The following ZNF461 variants were observed in gnomAD, a reference collection of about 807,000 sequenced individuals.
The protein encoded by ZNF461 is gonadotropin-inducible ovarian transcription factor-1.
Under a neutral mutation model 18.3 loss-of-function variants are expected in ZNF461, and 16 were observed. The ratio of observed to expected loss-of-function variants is 0.88; its 90% CI spans 0.59 to 1.33. The LOEUF (loss-of-function observed/expected upper bound fraction) is 1.33, where lower values mean the gene tolerates loss of function less well. Ranked by LOEUF, ZNF461 falls within the 40% of genes most tolerant of loss-of-function variation. The probability of loss-of-function intolerance (pLI) is 0.00; values close to 1 mark genes in which losing one functional copy is unlikely to be tolerated. For missense variants in ZNF461, 595 were observed against 669.9 expected (o/e 0.89, Z 1.23); for synonymous variants, 179 against 216.9 (o/e 0.83, Z 1.54).
chr19:36,645,494 C>T (rs1009347376), intron 4 of ZNF461, among the ~76,000 whole-genome samples: 1 of 151,996 alleles, frequency 6.6e-6, no homozygotes, highest in African/African-American at 2.4e-5. Flanking sequence ...TTGAGAAACA[C>T]TTTATTTCCC....
intron 4 of ZNF461, among the ~76,000 whole-genome samples, chr19:36,644,578 T>TG (rs1374957687): frequency 6.2e-5 from 9 of 144,138 alleles, no homozygotes; most frequent in Non-Finnish European, 1.4e-4. Flanking sequence ...CAGTTTTTTG[T>TG]GTTTTTTTTT....
intron 4 of ZNF461, among the ~76,000 whole-genome samples, chr19:36,646,216 C>T (rs544341073): frequency 3.1e-4 from 47 of 151,640 alleles, no homozygotes; most frequent in Middle Eastern, 3.4e-3. Context: ...CTGCAACTTC[C>T]GACTCCCAGG....
rs763755172 is a variant in ZNF461, at chr19:36,656,479, A to G, written c.201T>C (p.Val67=). The G allele has an allele frequency of 1.3e-5, 21 of 1,614,140 alleles. 1 individual carries two copies. The highest frequency in any genetic ancestry group is 6.7e-5 in the East Asian group (3 of 44,870). Residue 67 remains valine (V), a synonymous_variant, in exon 4 of 6, where the codon GTT becomes GTC. Coordinates refer to ENST00000588268, the MANE Select transcript of ZNF461 (RefSeq NM_153257.5). The part of the protein sequence containing the change: ...SLEQGKEPWM[V]VREETGRWCP... ...ACCATCTTCCTGTCTCTTCCCTCAC[A>G]ACCATCCAGGGCTCCTTCCCTTGCT...
chr19:36,666,098 T>TTG (rs1042769725), intron 1 of ZNF461, among the ~76,000 whole-genome samples: 4 of 151,302 alleles, frequency 2.6e-5, no homozygotes, highest in South Asian at 2.1e-4. Flanking sequence ...TTTTTTTGTT[T>TTG]TTTTTTTTTT....
intron 4 of ZNF461, 47 bp downstream of exon 4, chr19:36,656,401 C>T (rs1476262041): frequency 2.0e-6 from 3 of 1,488,796 alleles, no homozygotes; most frequent in Admixed American, 1.7e-5. Flanking sequence ...AACATTCTGA[C>T]CAGCTGGCCT....
Position 36,639,132 on chromosome 19 carries a change from T to G in ZNF461, c.1213A>C (p.Lys405Gln). Residue 405 changes from lysine (K) to glutamine (Q), a missense_variant, in exon 6 of 6, where the codon AAA (lysine) becomes CAA (glutamine). Transcript: ENST00000588268. Reference protein sequence around the residue: ...SYHSSFSHHQKIHSGKKPYEC... With the variant: ...SYHSSFSHHQQIHSGKKPYEC... ...TAAGGTTTCTTGCCAGAATGAATTT[T>G]CTGATGGTGTGAGAAGCTTGAGTGA... 2 of 1,613,928 alleles carry G rather than the reference T, an allele frequency of 1.2e-6. No individual in the cohort carries two copies. Among genetic ancestry groups the G allele is most frequent in the Non-Finnish European group, 1.7e-6 (2 of 1,179,988 alleles).
At chr19:36,640,202 C>T (rs2037400542) in intron 5 of ZNF461, 159 bp from the exon 6 acceptor site, 1 of 579,248 alleles carries the variant, frequency 1.7e-6, no homozygotes, top group Non-Finnish European at 2.8e-6. Flanking sequence ...AATGAGAGCA[C>T]TCAAATGAAG....
intron 1 of ZNF461, among the ~76,000 whole-genome samples, chr19:36,665,945 G>A (rs1419650573): frequency 6.6e-6 from 1 of 152,010 alleles, no homozygotes; most frequent in Non-Finnish European, 1.5e-5. Flanking sequence ...CAGATCTCTG[G>A]AGTGGGGCGT....
chr19:36,664,753 C>T lies in ZNF461; in HGVS notation c.-47G>A. The T allele has an allele frequency of 7.1e-7, 1 of 1,410,372 alleles. No individual in the cohort carries two copies. Among genetic ancestry groups the T allele is most frequent in the Non-Finnish European group, 9.3e-7 (1 of 1,070,070 alleles). 87.4% of individuals were successfully genotyped at this position (1,410,372 alleles called of 1,614,324 possible). On this transcript the variant is annotated 5_prime_UTR_variant, in exon 2 of 6. Transcript: ENST00000588268. ...TATTATTTAATCCTCTTCTTCGTTCCCTCTGGAAGAAACTCAATCCAAAGA... is the reference window on the plus strand; with the variant it reads ...TATTATTTAATCCTCTTCTTCGTTCTCTCTGGAAGAAACTCAATCCAAAGA...
chr19:36,661,944 A>G (rs1272445410), intron 2 of ZNF461, among the ~76,000 whole-genome samples: 1 of 152,084 alleles, frequency 6.6e-6, no homozygotes, highest in Non-Finnish European at 1.5e-5. Flanking sequence ...ATCTCGGCTC[A>G]CTGCAACCTC....
At chr19:36,646,030 G>A (rs1408177554) in intron 4 of ZNF461, among the ~76,000 whole-genome samples, 1 of 151,560 alleles carries the variant, frequency 6.6e-6, no homozygotes, top group East Asian at 2.0e-4. Context: ...TGATCCACCC[G>A]CCTCAGCCTC....
At chr19:36,643,992 A>C in intron 4 of ZNF461, 130 bp from the exon 5 acceptor site, 1 of 707,702 alleles carries the variant, frequency 1.4e-6, no homozygotes. Context: ...GAGTGCAATC[A>C]CACAATCTCA....
At chr19:36,643,008 A>G (rs2037455074) in intron 5 of ZNF461, among the ~76,000 whole-genome samples, 1 of 152,068 alleles carries the variant, frequency 6.6e-6, no homozygotes, top group Non-Finnish European at 1.5e-5. Context: ...ACCTCAGGCC[A>G]TCCACCCGCC....
Position 36,639,606 on chromosome 19 carries a change from C to T in ZNF461, c.739G>A (p.Glu247Lys), listed in dbSNP as rs375529284. The stretch of plus-strand genomic sequence containing the variant: ...AAGGCCTTCCAACATTCTTTACACT[C>T]ATTGCATTTGTCACCATTTTGAATT... ...QTIQNGDKCN[E>K]CKECWKAFVH... The change falls in exon 6 of 6, where the codon GAG (glutamate) becomes AAG (lysine). Residue 247 changes from glutamate to lysine, a missense_variant. Physicochemically the swap from Glu to Lys is moderately conservative, Grantham distance 56. Coordinates refer to ENST00000588268, the MANE Select transcript of ZNF461 (RefSeq NM_153257.5). 77 of 1,613,250 alleles carry T rather than the reference C, an allele frequency of 4.8e-5. No homozygotes were observed. The highest frequency in any genetic ancestry group is 5.8e-5 in the Non-Finnish European group (68 of 1,179,520).
At chr19:36,643,948 T>C in intron 4 of ZNF461, 86 bp from the exon 5 acceptor site, 1 of 1,154,434 alleles carries the variant, frequency 8.7e-7, no homozygotes, top group Non-Finnish European at 1.1e-6. Context: ...TCTTTTTCTT[T>C]TTAGACAGAG....
At chr19:36,656,054 G>C (rs1336141885) in intron 4 of ZNF461, among the ~76,000 whole-genome samples, 1 of 136,386 alleles carries the variant, frequency 7.3e-6, no homozygotes, top group Non-Finnish European at 1.5e-5. Flanking sequence ...CGGGAGTGCT[G>C]TGGCGCGATC....
chr19:36,656,264 C>T (rs1049467167), intron 4 of ZNF461, among the ~76,000 whole-genome samples, 184 bp downstream of exon 4: 3 of 152,310 alleles, frequency 2.0e-5, no homozygotes, highest in South Asian at 4.1e-4. Flanking sequence ...GGATTACAGG[C>T]GTGAGCCACC....
At chr19:36,665,680 G>A (rs1211449278) in intron 1 of ZNF461, among the ~76,000 whole-genome samples, 1 of 124,622 alleles carries the variant, frequency 8.0e-6, no homozygotes, top group Admixed American at 1.0e-4. Flanking sequence ...CCGCACTCCA[G>A]CCACGGTGAA....
chr19:36,644,622 G>C (rs1302187328), intron 4 of ZNF461, among the ~76,000 whole-genome samples: 1 of 151,212 alleles, frequency 6.6e-6, no homozygotes, highest in Non-Finnish European at 1.5e-5. Context: ...TTGAGATGGA[G>C]TCTTGCTCTG....
Sources: allele counts gnomAD v4.1 joint callset (sites outside exome capture counted in the v4.1 genomes callset), GRCh38; gene constraint gnomAD v4.1.1; transcripts MANE v1.5; gene names NCBI Gene and HGNC (gene_info 2026-07-23, HGNC 2026-07-21).